Variants in SMYD3 observed in about 807,000 individuals in gnomAD.
The protein encoded by SMYD3 is histone-lysine N-methyltransferase SMYD3.
Under a neutral mutation model 57.7 loss-of-function variants are expected in SMYD3, and 36 were observed. That is an observed-to-expected ratio of 0.62 (90% confidence interval 0.48 to 0.82). The LOEUF (loss-of-function observed/expected upper bound fraction) is 0.82, where lower values mean the gene tolerates loss of function less well. Among genes scored for constraint, SMYD3 ranks in the 40% least tolerant of loss-of-function variants. The pLI is 0.00. For synonymous variants in SMYD3, 211 were observed against 195.0 expected (o/e 1.08, Z -0.68); for missense variants, 515 against 538.8 (o/e 0.96, Z 0.44).
At chr1:246,277,476 C>A (rs1770019) in intron 5 of SMYD3, among the ~76,000 whole-genome samples, 44,745 of 151,468 alleles carry the variant, frequency 0.3, 7,428 homozygotes, top group African/African-American at 0.44. Context: ...ACCACCACCA[C>A]CAACAACAAC....
intron 5 of SMYD3, among the ~76,000 whole-genome samples, chr1:246,029,993 CCTTT>C (rs1425933471): frequency 2.7e-4 from 39 of 146,662 alleles, no homozygotes; most frequent in Admixed American, 8.2e-4. Context: ...CACTGGGTTT[CCTTT>C]CTTTCTTTCT....
At chr1:246,346,296 A>T (rs564636802) in intron 2 of SMYD3, among the ~76,000 whole-genome samples, 4 of 152,086 alleles carry the variant, frequency 2.6e-5, no homozygotes, top group Admixed American at 2.0e-4. Flanking sequence ...AAAAACAAAC[A>T]AACTAAAAAA....
intron 1 of SMYD3, among the ~76,000 whole-genome samples, chr1:246,406,319 G>A (rs995386079): frequency 1.3e-5 from 2 of 152,138 alleles, no homozygotes; most frequent in Admixed American, 6.5e-5. Context: ...TTGGCATAGA[G>A]TAAGAGCTCT....
chr1:246,192,082 G>A (rs1325425710), intron 5 of SMYD3, among the ~76,000 whole-genome samples: 1 of 152,174 alleles, frequency 6.6e-6, no homozygotes, highest in Non-Finnish European at 1.5e-5. Flanking sequence ...AAGAGGCTAT[G>A]TGTGGCTTTT....
intron 5 of SMYD3, among the ~76,000 whole-genome samples, chr1:246,132,138 C>G (rs1168259936): frequency 6.6e-6 from 1 of 151,986 alleles, no homozygotes; most frequent in Admixed American, 6.6e-5. Flanking sequence ...GCATGCTTAC[C>G]AAATTTAGAG....
At chr1:246,038,204 T>G (rs2148285826) in intron 5 of SMYD3, among the ~76,000 whole-genome samples, 1 of 152,330 alleles carries the variant, frequency 6.6e-6, no homozygotes, top group Middle Eastern at 3.4e-3. Context: ...ATGCAGAGTT[T>G]TAAAGATCTC....
chr1:246,275,041 T>A (rs1387559270), intron 5 of SMYD3, among the ~76,000 whole-genome samples: 2 of 152,206 alleles, frequency 1.3e-5, no homozygotes, highest in South Asian at 2.1e-4. Flanking sequence ...TGAGAATTTT[T>A]AAAAATTATA....
Position 246,457,551 on chromosome 1 carries a change from AAAGAAAAG to A in SMYD3, c.164+49495_164+49502del, listed in dbSNP as rs1558473759. On this transcript the variant is annotated intron_variant, in intron 1 of 11. Coordinates refer to ENST00000490107, the MANE Select transcript of SMYD3 (RefSeq NM_001167740.2). ...CTGCCTCAAAAAAAAAAAAAAAAGA[AAAGAAAAG>A]AAAAGAAAAGAAAAGAAAAAGAAAA... Among the ~76,000 whole-genome samples, 85 of 96,462 alleles carry A rather than the reference AAAGAAAAG, an allele frequency of 8.8e-4. 1 individual carries two copies. Among genetic ancestry groups the A allele is most frequent in the East Asian group, 5.0e-3 (25 of 5,032 alleles). The allele number at this position is 96,462 out of a possible 152,430, so 63.3% of individuals were successfully genotyped here.
intron 5 of SMYD3, among the ~76,000 whole-genome samples, chr1:245,958,643 T>C (rs2057917490): frequency 6.6e-6 from 1 of 152,208 alleles, no homozygotes; most frequent in African/African-American, 2.4e-5. Flanking sequence ...TGAACCATCA[T>C]TGCTGATTTA....
intron 5 of SMYD3, among the ~76,000 whole-genome samples, chr1:246,091,761 T>C (rs1338162662): frequency 1.3e-5 from 2 of 152,260 alleles, no homozygotes; most frequent in African/African-American, 4.8e-5. Context: ...CCGACAGGTA[T>C]GAGTGATTAG....
chr1:245,815,180 G>C (rs2048731468), intron 10 of SMYD3, among the ~76,000 whole-genome samples: 1 of 152,188 alleles, frequency 6.6e-6, no homozygotes, highest in African/African-American at 2.4e-5. Context: ...CCCCAGCATT[G>C]TTTCTCACAA....
At chr1:245,826,757 C>T (rs571601607) in intron 10 of SMYD3, among the ~76,000 whole-genome samples, 4 of 152,200 alleles carry the variant, frequency 2.6e-5, no homozygotes, top group East Asian at 1.9e-4. Flanking sequence ...AAGGTGAAGG[C>T]GAAGTGGAAG....
At chr1:246,118,522 C>T (rs141030667) in intron 5 of SMYD3, among the ~76,000 whole-genome samples, 25 of 152,318 alleles carry the variant, frequency 1.6e-4, no homozygotes, top group Admixed American at 3.3e-4. Flanking sequence ...CCATCACTGA[C>T]GCTTACTCAA....
At chr1:245,960,557 T>C (rs2057973569) in intron 5 of SMYD3, among the ~76,000 whole-genome samples, 1 of 151,932 alleles carries the variant, frequency 6.6e-6, no homozygotes, top group Non-Finnish European at 1.5e-5. Context: ...CCCCCATCTC[T>C]ACGAAAAAAA....
Position 245,904,588 on chromosome 1 carries a change from A to G in SMYD3, c.813+10942T>C, listed in dbSNP as rs115665629. ...GCAATCTCCAATCCCAGAGGTCCGA[A>G]CTTGAGTGCCTGCAAACCTCACCAC... On this transcript the variant is annotated intron_variant, in intron 8 of 11. Coordinates refer to ENST00000490107, the MANE Select transcript of SMYD3 (RefSeq NM_001167740.2). Among the ~76,000 whole-genome samples, 479 of 152,258 alleles carry G rather than the reference A, an allele frequency of 3.1e-3. 1 individual carries two copies. The highest frequency in any genetic ancestry group is 0.011 in the African/African-American group (459 of 41,552).
intron 8 of SMYD3, among the ~76,000 whole-genome samples, chr1:245,886,999 G>C (rs975899287): frequency 2.0e-5 from 3 of 152,066 alleles, no homozygotes; most frequent in Non-Finnish European, 2.9e-5. Flanking sequence ...CATTTCACAG[G>C]GTGTGTCCCT....
intron 5 of SMYD3, among the ~76,000 whole-genome samples, chr1:246,099,672 G>GA (rs1188369263): frequency 2.0e-5 from 3 of 151,636 alleles, no homozygotes; most frequent in Admixed American, 6.6e-5. Context: ...AAGTGAAAGG[G>GA]AAAAAAAACA....
At chr1:246,453,428 G>A (rs574810195) in intron 1 of SMYD3, among the ~76,000 whole-genome samples, 1 of 152,236 alleles carries the variant, frequency 6.6e-6, no homozygotes, top group East Asian at 1.9e-4. Flanking sequence ...AAACTACGAT[G>A]CTTCTATATG....
chr1:245,886,111 A>G (rs1041736384), intron 8 of SMYD3, among the ~76,000 whole-genome samples: 2 of 152,264 alleles, frequency 1.3e-5, no homozygotes, highest in Non-Finnish European at 2.9e-5. Context: ...CTAAATTCTG[A>G]GAAAAGCAAG....
Sources: gnomAD v4.1 joint callset for allele counts (sites outside exome capture counted in the v4.1 genomes callset) on GRCh38, gnomAD v4.1.1 for gene constraint, MANE v1.5 for transcripts, NCBI Gene and HGNC (gene_info 2026-07-23, HGNC 2026-07-21) for gene names.